MANBA: variants seen among roughly 807,000 people sequenced by gnomAD.
MANBA encodes mannosidase beta, also known as beta-mannosidase.
In MANBA, 83 loss-of-function variants were observed where a neutral mutation model predicts 111.1. The ratio of observed to expected loss-of-function variants is 0.75; its 90% CI spans 0.63 to 0.90. The LOEUF is 0.90. Ranked by LOEUF, MANBA falls within the 40% of genes least tolerant of loss-of-function variation. The probability of loss-of-function intolerance (pLI) is 0.00; values close to 1 mark genes in which losing one functional copy is unlikely to be tolerated. For synonymous variants in MANBA, 370 were observed against 378.7 expected (o/e 0.98, Z 0.27); for missense variants, 1,036 against 1,069.0 (o/e 0.97, Z 0.43).
intron 1 of MANBA, chr4:102,734,232 C>A: frequency 2.3e-6 from 2 of 875,208 alleles, no homozygotes; most frequent in Non-Finnish European, 3.4e-6. Flanking sequence ...ACCCTCTGTA[C>A]TTTCTGTTCA....
chr4:102,741,784 G>T (rs1400791342), intron 1 of MANBA, among the ~76,000 whole-genome samples: 6 of 152,212 alleles, frequency 3.9e-5, no homozygotes, highest in Non-Finnish European at 8.8e-5. Flanking sequence ...GGAAGGATGG[G>T]AAGGTGAGGG....
In MANBA at chr4:102,729,664, C is replaced by T. The variant is rs542140037; in HGVS notation, c.178-2981G>A. The T allele has an allele frequency of 3.2e-4, 481 of 1,496,116 alleles. No individual in the cohort carries two copies. The African/African-American group carries it at 3.9e-3, about 12-fold the overall frequency. The allele number at this position is 1,496,116 out of a possible 1,614,324, so 92.7% of individuals were successfully genotyped here. A position where few individuals can be genotyped will look rare whatever the true frequency, so the allele number is the denominator to read the frequency against. On this transcript the variant is annotated intron_variant, in intron 1 of 16. Transcript: ENST00000647097. The stretch of plus-strand genomic sequence containing the variant: ...TTGTTCTTGAAGTCCTCCACCAGCC[C>T]GGGCATGTTGCCAAGCTCCGCCTCC...
intron 1 of MANBA, among the ~76,000 whole-genome samples, chr4:102,749,109 A>T (rs1282881689): frequency 6.6e-6 from 1 of 152,204 alleles, no homozygotes; most frequent in Non-Finnish European, 1.5e-5. Context: ...CGTGAGAAAA[A>T]AAAACAAAAA....
At chr4:102,726,354 T>C (rs1388604153) in intron 2 of MANBA, among the ~76,000 whole-genome samples, 2 of 152,074 alleles carry the variant, frequency 1.3e-5, no homozygotes, top group Admixed American at 6.6e-5. Flanking sequence ...CACAATTTGG[T>C]GACTGTTGAT....
intron 1 of MANBA, among the ~76,000 whole-genome samples, chr4:102,747,186 C>T (rs994695060): frequency 1.3e-5 from 2 of 148,344 alleles, no homozygotes; most frequent in Non-Finnish European, 3.0e-5. Flanking sequence ...GGGGAGTTTA[C>T]TAAGGAGTAT....
chr4:102,673,964 T>C lies in MANBA; in HGVS notation c.1067A>G (p.Asn356Ser). 1 of 1,611,388 alleles carries C rather than the reference T, an allele frequency of 6.2e-7. No individual in the cohort carries two copies. The highest frequency in any genetic ancestry group is 1.3e-5 in the African/African-American group (1 of 74,984). Residue 356 changes from asparagine (N) to serine (S), a missense_variant, in exon 8 of 17, where the codon AAC becomes AGC. Asn to Ser is a conservative substitution (Grantham distance 46). Coordinates refer to ENST00000647097, the MANE Select transcript of MANBA (RefSeq NM_005908.4). ...NGFPIFLKGS[N>S]WIPADSFQDR... ...CTGGAATGAATCTGCTGGGATCCAG[T>C]TTGAGCCTTTTAGAAATATGGGAAA...
At chr4:102,682,368 C>T (rs1282385182) in intron 7 of MANBA, among the ~76,000 whole-genome samples, 1 of 151,818 alleles carries the variant, frequency 6.6e-6, no homozygotes, top group African/African-American at 2.4e-5. Flanking sequence ...AATAGGATTG[C>T]CAGTATATAG....
At chr4:102,722,589 AT>A (rs1722626383) in intron 4 of MANBA, 1 of 393,136 alleles carries the variant, frequency 2.5e-6, no homozygotes, top group Non-Finnish European at 4.8e-6. Flanking sequence ...TGTTAAAAAA[AT>A]AATTTGTAAA....
At chr4:102,734,488 T>C in intron 1 of MANBA, 2 of 1,604,990 alleles carry the variant, frequency 1.2e-6, no homozygotes, top group South Asian at 1.1e-5. Flanking sequence ...ATCATACCCA[T>C]TCCCAAGTTC....
At position 102,760,744 on chromosome 4, in the gene MANBA, C is replaced by T; in HGVS notation, c.151G>A (p.Ala51Thr). 1 of 1,546,772 alleles carries T rather than the reference C, an allele frequency of 6.5e-7. No individual in the cohort carries two copies. Among genetic ancestry groups the T allele is most frequent in the Non-Finnish European group, 8.7e-7 (1 of 1,145,330 alleles). Residue 51 changes from alanine (A) to threonine (T), a missense_variant, in exon 1 of 17, where the codon GCC becomes ACC. Transcript: ENST00000647097. ...TGGATCAGGCCCTGCTGGAACAAGG[C>T]GCTGTGCACGCAGCCAGGGACCGCC... ...PGAVPGCVHSALFQQGLIQDS... is the reference protein window; with the variant it reads ...PGAVPGCVHSTLFQQGLIQDS...
chr4:102,741,643 G>A (rs1191079144), intron 1 of MANBA, among the ~76,000 whole-genome samples: 1 of 152,164 alleles, frequency 6.6e-6, no homozygotes, highest in Non-Finnish European at 1.5e-5. Flanking sequence ...TAGAGTTGGA[G>A]ACCACTATTC....
chr4:102,714,810 A>G lies in MANBA; in HGVS notation c.550-249T>C, dbSNP rs145261200. ...TCCTCTGTTTGCACTGTGTCCTCAC[A>G]TGGTCTTTTTCTGTGCTAGGCATCC... On this transcript the variant is annotated intron_variant, in intron 4 of 16. Coordinates refer to ENST00000647097, the MANE Select transcript of MANBA (RefSeq NM_005908.4). Among the ~76,000 whole-genome samples, 1,360 of 152,304 alleles carry G rather than the reference A, an allele frequency of 8.9e-3. 15 individuals carry two copies. The highest frequency in any genetic ancestry group is 0.017 in the Admixed American group (255 of 15,300).
At chr4:102,759,462 TTAAAA>T (rs972920273) in intron 1 of MANBA, among the ~76,000 whole-genome samples, 30 of 152,118 alleles carry the variant, frequency 2.0e-4, no homozygotes, top group South Asian at 1.5e-3. Flanking sequence ...GTTTGTCAAC[TTAAAA>T]TAAAGTACTA....
intron 5 of MANBA, among the ~76,000 whole-genome samples, chr4:102,704,735 T>G (rs1455753116): frequency 1.3e-5 from 2 of 151,108 alleles, no homozygotes; most frequent in Non-Finnish European, 2.9e-5. Flanking sequence ...AGATAAAAAT[T>G]GAAAAAAAAA....
intron 5 of MANBA, among the ~76,000 whole-genome samples, chr4:102,703,438 C>A (rs1475352055): frequency 6.6e-6 from 1 of 151,782 alleles, no homozygotes; most frequent in Non-Finnish European, 1.5e-5. Flanking sequence ...CCCGAAAAGA[C>A]CCCTTCTTGC....
At chr4:102,712,718 A>C (rs1263273124) in intron 5 of MANBA, among the ~76,000 whole-genome samples, 1 of 151,910 alleles carries the variant, frequency 6.6e-6, no homozygotes, top group East Asian at 1.9e-4. Context: ...TGTCAGAGAT[A>C]GGATTTTGCC....
rs1361614541 is a variant in MANBA at position 102,690,666 on chromosome 4, G to A, written c.779C>T (p.Thr260Ile). 6.2e-7 allele frequency: 1 copy of A among 1,611,888 alleles called. No individual in the cohort carries two copies. Among genetic ancestry groups the A allele is most frequent in the South Asian group, 1.1e-5 (1 of 90,978 alleles). ...AAGTTCAATGCTGTATGTCTGTTGT[G>A]TTTGCAACTTAGGGATGGCTACGAT... Reference protein sequence around the residue: ...QVIVAIPKLQTQQTYSIELQP... With the variant: ...QVIVAIPKLQIQQTYSIELQP... Residue 260 changes from threonine (T) to isoleucine (I), a missense_variant, in exon 6 of 17, where the codon ACA becomes ATA. Transcript: ENST00000647097.
chr4:102,691,509 T>G (rs893033711), intron 5 of MANBA, among the ~76,000 whole-genome samples: 77 of 150,962 alleles, frequency 5.1e-4, no homozygotes, highest in Non-Finnish European at 5.9e-5. Context: ...TCTCTTTTCT[T>G]TTTCCTTTTT....
chr4:102,734,751 T>C, intron 1 of MANBA: 1 of 613,676 alleles, frequency 1.6e-6, no homozygotes. Flanking sequence ...ACCTCAGAGA[T>C]CTAGACAGTC....
Sources: gnomAD v4.1 joint callset for allele counts (sites outside exome capture counted in the v4.1 genomes callset) on GRCh38, gnomAD v4.1.1 for gene constraint, MANE v1.5 for transcripts, NCBI Gene and HGNC (gene_info 2026-07-23, HGNC 2026-07-21) for gene names.